The following PTPN12 variants were observed in gnomAD, a reference collection of about 807,000 sequenced individuals.
PTPN12 encodes protein tyrosine phosphatase non-receptor type 12.
In PTPN12, 29 loss-of-function variants were observed where a neutral mutation model predicts 97.6. The ratio of observed to expected loss-of-function variants is 0.30; its 90% CI spans 0.22 to 0.41. The LOEUF (loss-of-function observed/expected upper bound fraction) is 0.41, where lower values mean the gene tolerates loss of function less well. Ranked by LOEUF, PTPN12 falls within the 10% of genes least tolerant of loss-of-function variation. The probability of loss-of-function intolerance (pLI) is 1.00; values close to 1 mark genes in which losing one functional copy is unlikely to be tolerated. For synonymous variants in PTPN12, 327 were observed against 300.4 expected, an observed-to-expected ratio of 1.09 and a Z score of -0.91; for missense variants, 819 against 926.0, an observed-to-expected ratio of 0.88 and a Z score of 1.50.
At chr7:77,588,814 T>C (rs951899288) in intron 5 of PTPN12, among the ~76,000 whole-genome samples, 1 of 152,106 alleles carries the variant, frequency 6.6e-6, no homozygotes, top group Non-Finnish European at 1.5e-5. Context: ...ATTGAACAAG[T>C]GGAAATACAT....
At chr7:77,616,715 G>C (rs1788762263) in intron 11 of PTPN12, among the ~76,000 whole-genome samples, 1 of 152,134 alleles carries the variant, frequency 6.6e-6, no homozygotes, top group African/African-American at 2.4e-5. Context: ...AAAATATCAA[G>C]TGTTACAGAA....
At chr7:77,601,984 G>T (rs1265899264) in intron 8 of PTPN12, among the ~76,000 whole-genome samples, 1 of 152,170 alleles carries the variant, frequency 6.6e-6, no homozygotes, top group African/African-American at 2.4e-5. Flanking sequence ...CTCTGAATGT[G>T]AAAGGACAAG....
intron 12 of PTPN12, among the ~76,000 whole-genome samples, chr7:77,625,520 T>C (rs28431959): frequency 1.3e-5 from 1 of 74,206 alleles, no homozygotes; most frequent in Non-Finnish European, 2.6e-5. Context: ...TCTCTCTCTC[T>C]CTCACTCTCA....
At chr7:77,564,867 C>T (rs1336403093) in intron 1 of PTPN12, among the ~76,000 whole-genome samples, 1 of 142,176 alleles carries the variant, frequency 7.0e-6, no homozygotes, top group East Asian at 2.2e-4. Flanking sequence ...AAGTGATTCT[C>T]CTACCTCAGC....
intron 1 of PTPN12, among the ~76,000 whole-genome samples, chr7:77,545,251 C>T (rs933372028): frequency 2.0e-5 from 3 of 152,102 alleles, no homozygotes; most frequent in African/African-American, 7.2e-5. Flanking sequence ...ATCTGTTGTT[C>T]TCTACTTGCC....
chr7:77,580,267 G>A (rs746819936), intron 2 of PTPN12, among the ~76,000 whole-genome samples: 1 of 152,182 alleles, frequency 6.6e-6, no homozygotes, highest in African/African-American at 2.4e-5. Flanking sequence ...TTTTAGGTTC[G>A]AATGAGCTAT....
intron 2 of PTPN12, among the ~76,000 whole-genome samples, chr7:77,574,458 G>A (rs1787271068): frequency 6.6e-6 from 1 of 152,154 alleles, no homozygotes; most frequent in African/African-American, 2.4e-5. Context: ...AAATATTGTG[G>A]GGTAAGAATT....
At chr7:77,558,442 T>C (rs1317919387) in intron 1 of PTPN12, among the ~76,000 whole-genome samples, 1 of 152,120 alleles carries the variant, frequency 6.6e-6, no homozygotes, top group Non-Finnish European at 1.5e-5. Context: ...AAATAGTATG[T>C]CCAAGTATGC....
intron 13 of PTPN12, among the ~76,000 whole-genome samples, chr7:77,628,570 T>G (rs1346726383): frequency 2.6e-5 from 4 of 151,970 alleles, no homozygotes; most frequent in Non-Finnish European, 5.9e-5. Flanking sequence ...ATTTTTTTTT[T>G]TTTTTGAGAC....
chr7:77,620,069 GCCCTAAAAAAATTAAGGAACAT>G (rs998602390), intron 12 of PTPN12, among the ~76,000 whole-genome samples: 15 of 152,144 alleles, frequency 9.9e-5, no homozygotes, highest in African/African-American at 3.4e-4. Context: ...GAAACTACTG[GCCCTAAAAAAATTAAGGAACAT>G]TTTTGCTGCC....
At chr7:77,637,823 C>CTCCA (rs1465985304) in intron 16 of PTPN12, among the ~76,000 whole-genome samples, 1 of 133,550 alleles carries the variant, frequency 7.5e-6, no homozygotes, top group African/African-American at 2.9e-5. Context: ...CGCCATTGCA[C>CTCCA]TCCAACCCGG....
At chr7:77,598,935 T>A (rs530266233) in intron 7 of PTPN12, among the ~76,000 whole-genome samples, 49 of 151,348 alleles carry the variant, frequency 3.2e-4, no homozygotes, top group African/African-American at 1.2e-3. Flanking sequence ...TGCAAACTAA[T>A]CAACTTTTAG....
rs947646340 is a variant in PTPN12 at position 77,638,701 on chromosome 7, T to C, written c.2251T>C (p.Ser751Pro). The change falls in exon 17 of 18, where the codon TCA becomes CCA. Residue 751 changes from serine (S) to proline (P), a missense_variant. Around this residue, in one of 5 missense-constraint regions of PTPN12, gnomAD observed 607 missense variants for 577.3 expected, o/e 1.05. Coordinates refer to ENST00000248594, the MANE Select transcript of PTPN12 (RefSeq NM_002835.4). ...TTTCAGTGACAAGAGAGAACAAATATCAGAAAATCCAACAGAAGCCACAGA... is the reference window on the plus strand; with the variant it reads ...TTTCAGTGACAAGAGAGAACAAATACCAGAAAATCCAACAGAAGCCACAGA... ...PTFSDKREQI[S>P]ENPTEATDIG... The C allele has an allele frequency of 2.4e-5, 39 of 1,606,956 alleles. No homozygotes were observed. In the Admixed American group the frequency reaches 5.5e-4, roughly 23 times the overall value.
chr7:77,588,530 A>G (rs969745746), intron 5 of PTPN12, among the ~76,000 whole-genome samples: 1 of 152,214 alleles, frequency 6.6e-6, no homozygotes, highest in Non-Finnish European at 1.5e-5. Flanking sequence ...AAAGTTTGGA[A>G]TACTGCAAGA....
At chr7:77,578,318 A>G (rs1418429438) in intron 2 of PTPN12, among the ~76,000 whole-genome samples, 5 of 152,206 alleles carry the variant, frequency 3.3e-5, no homozygotes, top group Non-Finnish European at 5.9e-5. Flanking sequence ...CTCATTTTCC[A>G]GAGTCATAGC....
intron 12 of PTPN12, among the ~76,000 whole-genome samples, chr7:77,624,118 T>G (rs1584208842): frequency 6.6e-6 from 1 of 152,148 alleles, no homozygotes; most frequent in East Asian, 1.9e-4. Context: ...AATACAAAAC[T>G]TAGCCAGGTG....
At chr7:77,574,051 C>A (rs560224973) in intron 2 of PTPN12, among the ~76,000 whole-genome samples, 14 of 152,352 alleles carry the variant, frequency 9.2e-5, no homozygotes, top group African/African-American at 2.9e-4. Context: ...TGAGGGTGTA[C>A]TGTATGCTGG....
chr7:77,636,739 ATATAAT>A (rs1166552817), intron 15 of PTPN12: 1 of 259,754 alleles, frequency 3.8e-6, no homozygotes, highest in Non-Finnish European at 7.3e-6. Context: ...TACAATAATG[ATATAAT>A]TAGTAATAGT....
intron 1 of PTPN12, among the ~76,000 whole-genome samples, chr7:77,542,300 T>C (rs2052162): frequency 0.73 from 110,449 of 152,110 alleles, 41,596 homozygotes; most frequent in African/African-American, 0.91. Context: ...CATTCCCCCA[T>C]CTCACCTTCT....
Sources: gnomAD v4.1 joint callset for allele counts (sites outside exome capture counted in the v4.1 genomes callset) on GRCh38, gnomAD v4.1.1 for gene constraint, gnomAD v4.1.1 regional missense constraint, MANE v1.5 for transcripts, NCBI Gene and HGNC (gene_info 2026-07-23, HGNC 2026-07-21) for gene names.